CPNE4: variants seen among roughly 807,000 people sequenced by gnomAD.
CPNE4 encodes copine-4.
In CPNE4, 25 loss-of-function variants were observed where a neutral mutation model predicts 67.9. That is an observed-to-expected ratio of 0.37 (90% CI 0.27 to 0.51). The LOEUF (loss-of-function observed/expected upper bound fraction) is 0.51, where lower values mean the gene tolerates loss of function less well. CPNE4 is among the 20% of genes least tolerant of loss of function. The probability of loss-of-function intolerance (pLI) is 0.93; values close to 1 mark genes in which losing one functional copy is unlikely to be tolerated. For missense variants in CPNE4, 464 were observed against 690.8 expected (o/e 0.67, Z 3.68); for synonymous variants, 242 against 244.9 (o/e 0.99, Z 0.11).
intron 2 of CPNE4, among the ~76,000 whole-genome samples, chr3:131,762,366 A>C (rs2082910879): frequency 6.6e-6 from 1 of 152,064 alleles, no homozygotes; most frequent in Non-Finnish European, 1.5e-5. Flanking sequence ...GATATACCAG[A>C]CTTCATCCAA....
At chr3:131,622,018 CAAAAAAAA>C (rs34415771) in intron 7 of CPNE4, among the ~76,000 whole-genome samples, 2 of 58,038 alleles carry the variant, frequency 3.4e-5, no homozygotes, top group African/African-American at 1.1e-4. Flanking sequence ...GACCCTGTCT[CAAAAAAAA>C]AAAAAAAAAA....
At chr3:131,855,064 G>A (rs887876146) in intron 2 of CPNE4, among the ~76,000 whole-genome samples, 2 of 151,944 alleles carry the variant, frequency 1.3e-5, no homozygotes, top group African/African-American at 4.8e-5. Flanking sequence ...AGATTCAAGA[G>A]AAAGTATAAT....
chr3:131,859,049 T>C lies in CPNE4; in HGVS notation c.180+46215A>G, dbSNP rs763470781. ...TAGTGGAGCTGTGGGAATGATATTATTAGAGTTCAAAAACATTTATTATAT... is the reference window on the plus strand; with the variant it reads ...TAGTGGAGCTGTGGGAATGATATTACTAGAGTTCAAAAACATTTATTATAT... On this transcript the variant is annotated intron_variant, in intron 2 of 15. Transcript: ENST00000429747. 2.2e-4 allele frequency among the ~76,000 whole-genome samples: 34 copies of C among 152,272 alleles called. No homozygotes were observed. In the Middle Eastern group the frequency reaches 0.01, roughly 46 times the overall value.
chr3:131,596,905 C>G (rs377040763), intron 7 of CPNE4, among the ~76,000 whole-genome samples: 14 of 152,258 alleles, frequency 9.2e-5, no homozygotes, highest in African/African-American at 3.4e-4. Context: ...CCTCATTGTT[C>G]TGTTTCTTGG....
At chr3:131,700,955 G>A (rs1260155833) in intron 3 of CPNE4, among the ~76,000 whole-genome samples, 1 of 152,004 alleles carries the variant, frequency 6.6e-6, no homozygotes, top group Non-Finnish European at 1.5e-5. Flanking sequence ...GGACATGGAT[G>A]AAGCTGGAAA....
chr3:132,020,179 T>C (rs1358455425), intron 1 of CPNE4, among the ~76,000 whole-genome samples: 1 of 152,158 alleles, frequency 6.6e-6, no homozygotes, highest in Non-Finnish European at 1.5e-5. Context: ...CAGCCCCAGG[T>C]TGTTCACTGC....
Position 131,720,485 on chromosome 3 carries a change from C to T in CPNE4, c.360+2961G>A, listed in dbSNP as rs190493637. Among the ~76,000 whole-genome samples, 15 of 152,036 alleles carry T rather than the reference C, an allele frequency of 9.9e-5. No individual in the cohort carries two copies. In the East Asian group the frequency reaches 2.5e-3, roughly 26 times the overall value. ...ATTTTTAGTAGAGATGGGGTTTCAC[C>T]GTGTTAGCCAGGATGGTCTCGATCT... is the stretch of plus-strand genomic sequence containing the variant. On this transcript the variant is annotated intron_variant, in intron 3 of 15. Transcript: ENST00000429747.
chr3:131,801,713 G>A (rs1001699365), intron 2 of CPNE4, among the ~76,000 whole-genome samples: 3 of 149,930 alleles, frequency 2.0e-5, no homozygotes, highest in Non-Finnish European at 3.0e-5. Flanking sequence ...GCATTATAGT[G>A]CAAAATATTC....
At chr3:131,554,465 T>A (rs1223234157) in intron 12 of CPNE4, among the ~76,000 whole-genome samples, 3 of 152,122 alleles carry the variant, frequency 2.0e-5, no homozygotes, top group African/African-American at 7.2e-5. Flanking sequence ...CTCCACAAGC[T>A]GTATTTCTAA....
At chr3:131,861,992 C>T (rs551666771) in intron 2 of CPNE4, among the ~76,000 whole-genome samples, 3 of 152,308 alleles carry the variant, frequency 2.0e-5, no homozygotes, top group African/African-American at 7.2e-5. Context: ...GACATCATCT[C>T]CCTACTCAGG....
At chr3:131,992,725 G>T (rs2073197651) in intron 1 of CPNE4, among the ~76,000 whole-genome samples, 1 of 136,012 alleles carries the variant, frequency 7.4e-6, no homozygotes, top group South Asian at 2.6e-4. Context: ...ATCTTAAATT[G>T]TAGTTCCCAT....
chr3:131,604,295 A>G (rs1566697), intron 7 of CPNE4, among the ~76,000 whole-genome samples: 45,758 of 152,078 alleles, frequency 0.3, 11,017 homozygotes, highest in African/African-American at 0.67. Context: ...TTTGATATGG[A>G]GGAAAGATTT....
At chr3:131,653,096 G>A (rs1320042227) in intron 7 of CPNE4, among the ~76,000 whole-genome samples, 1 of 150,938 alleles carries the variant, frequency 6.6e-6, no homozygotes, top group Non-Finnish European at 1.5e-5. Context: ...CCAAGTTCTG[G>A]TCATCCCTGT....
At chr3:131,659,695 C>T (rs2080075988) in intron 7 of CPNE4, among the ~76,000 whole-genome samples, 1 of 152,142 alleles carries the variant, frequency 6.6e-6, no homozygotes, top group South Asian at 2.1e-4. Flanking sequence ...CTCTTTTGGC[C>T]TCTTCCCTCA....
At chr3:131,628,488 G>C (rs2079134500) in intron 7 of CPNE4, among the ~76,000 whole-genome samples, 1 of 152,278 alleles carries the variant, frequency 6.6e-6, no homozygotes, top group Non-Finnish European at 1.5e-5. Flanking sequence ...GCTCCTCCTT[G>C]TACCTCTGGT....
chr3:131,863,490 G>GCAGCTAAAAGACTTA (rs2086786969), intron 2 of CPNE4, among the ~76,000 whole-genome samples: 1 of 152,008 alleles, frequency 6.6e-6, no homozygotes, highest in African/African-American at 2.4e-5. Context: ...TGTGTCTTTT[G>GCAGCTAAAAGACTTA]GCTGCATAAA....
At chr3:131,929,288 A>C (rs576490885) in intron 1 of CPNE4, among the ~76,000 whole-genome samples, 1 of 151,388 alleles carries the variant, frequency 6.6e-6, no homozygotes, top group Non-Finnish European at 1.5e-5. Flanking sequence ...TCATTCATTC[A>C]TGCCAGATAA....
chr3:131,538,040 A>ATGTC (rs1935262690), intron 15 of CPNE4, among the ~76,000 whole-genome samples: 1 of 152,314 alleles, frequency 6.6e-6, no homozygotes, highest in Non-Finnish European at 1.5e-5. Flanking sequence ...ACCATCAAAA[A>ATGTC]TGTCAGATAT....
At chr3:131,783,612 G>A (rs2083480167) in intron 2 of CPNE4, among the ~76,000 whole-genome samples, 1 of 151,998 alleles carries the variant, frequency 6.6e-6, no homozygotes. Flanking sequence ...CAGCCTGGTT[G>A]TATGGTTCAA....
Sources: gnomAD v4.1 joint callset for allele counts (sites outside exome capture counted in the v4.1 genomes callset) on GRCh38, gnomAD v4.1.1 for gene constraint, MANE v1.5 for transcripts, NCBI Gene and HGNC (gene_info 2026-07-23, HGNC 2026-07-21) for gene names.